NBAS: variants seen among roughly 807,000 people sequenced by gnomAD.
NBAS encodes the protein NBAS subunit of NRZ tethering complex, also known as NAG/BC035112 fusion.
A neutral mutation model predicts 302.5 loss-of-function variants in NBAS; 219 were observed. The ratio of observed to expected loss-of-function variants is 0.72; its 90% CI spans 0.65 to 0.81. NBAS has a LOEUF of 0.81. NBAS is among the 30% of genes least tolerant of loss of function. The pLI, the probability that NBAS is intolerant of heterozygous loss-of-function variation, is 0.00. For missense variants in NBAS, 2,932 were observed against 2,841.6 expected (o/e 1.03, Z -0.72); for synonymous variants, 1,118 against 1,021.6 (o/e 1.09, Z -1.80).
chr2:15,241,148 G>T (rs944334468), intron 44 of NBAS, among the ~76,000 whole-genome samples: 7 of 152,178 alleles, frequency 4.6e-5, no homozygotes, highest in Admixed American at 2.6e-4. Flanking sequence ...GTTGAATGCT[G>T]AATGACAAAA....
the NBAS span, among the ~76,000 whole-genome samples, chr2:15,077,700 T>C: frequency 2.2e-5 from 3 of 135,376 alleles, no homozygotes; most frequent in Non-Finnish European, 4.5e-5. Flanking sequence ...CTTTTTTTTT[T>C]TGAGATGGGG....
At chr2:15,436,955 A>G (rs774263183) in intron 21 of NBAS, among the ~76,000 whole-genome samples, 34 of 152,232 alleles carry the variant, frequency 2.2e-4, no homozygotes, top group Non-Finnish European at 4.0e-4. Context: ...ATGATTATGT[A>G]TAAATAAATG....
At chr2:14,942,669 G>C in the NBAS span, among the ~76,000 whole-genome samples, 2 of 152,182 alleles carry the variant, frequency 1.3e-5, no homozygotes. Context: ...CTCCCTGTGG[G>C]GAAAGGTGGA....
chr2:15,455,845 T>A (rs771821811), intron 21 of NBAS, among the ~76,000 whole-genome samples: 10 of 151,578 alleles, frequency 6.6e-5, no homozygotes, highest in Non-Finnish European at 1.5e-4. Flanking sequence ...ATTGTATTCA[T>A]CACTCAGGAA....
At chr2:14,926,288 T>C in the NBAS span, among the ~76,000 whole-genome samples, 1 of 152,160 alleles carries the variant, frequency 6.6e-6, no homozygotes, top group Non-Finnish European at 1.5e-5. Flanking sequence ...CCTCCCCTTC[T>C]ATCACACACT....
At chr2:14,832,728 G>A in the NBAS span, among the ~76,000 whole-genome samples, 1 of 152,136 alleles carries the variant, frequency 6.6e-6, no homozygotes, top group East Asian at 1.9e-4. Context: ...CCCGTTACAT[G>A]CATATTATTG....
chr2:14,971,173 T>C, the NBAS span, among the ~76,000 whole-genome samples: 1 of 152,182 alleles, frequency 6.6e-6, no homozygotes, highest in South Asian at 2.1e-4. Context: ...AACCCATTCA[T>C]ACAATAGTTT....
intron 38 of NBAS, among the ~76,000 whole-genome samples, chr2:15,327,097 G>T (rs1003550153): frequency 3.9e-5 from 6 of 152,026 alleles, no homozygotes; most frequent in Admixed American, 2.6e-4. Flanking sequence ...CTGTGGATAG[G>T]ACTTTCAAGA....
chr2:15,124,038 G>A, the NBAS span, among the ~76,000 whole-genome samples: 7 of 152,296 alleles, frequency 4.6e-5, no homozygotes, highest in African/African-American at 1.4e-4. Flanking sequence ...CAAAATTCTG[G>A]TAGAGATATG....
At chr2:15,179,258 A>C in intron 50 of NBAS, 142 bp from the exon 51 acceptor site, 1 of 1,248,330 alleles carries the variant, frequency 8.0e-7, no homozygotes, top group Admixed American at 2.0e-5. Context: ...CACTGGATAT[A>C]CTGAATATGG....
intron 31 of NBAS, among the ~76,000 whole-genome samples, chr2:15,368,914 T>C (rs1674352080): frequency 2.0e-5 from 3 of 152,206 alleles, no homozygotes; most frequent in Non-Finnish European, 4.4e-5. Flanking sequence ...AATAAGCCTG[T>C]TATCACATAT....
the NBAS span, among the ~76,000 whole-genome samples, chr2:14,921,349 T>C: frequency 9.5e-4 from 144 of 152,196 alleles, no homozygotes; most frequent in African/African-American, 2.9e-3. Flanking sequence ...ATAACAGATA[T>C]AATCATAATG....
At chr2:15,022,637 T>A in the NBAS span, among the ~76,000 whole-genome samples, 1 of 152,152 alleles carries the variant, frequency 6.6e-6, no homozygotes, top group African/African-American at 2.4e-5. Context: ...TCTCTCCATA[T>A]CCAATCAATC....
At chr2:14,868,116 A>C in the NBAS span, among the ~76,000 whole-genome samples, 1 of 152,298 alleles carries the variant, frequency 6.6e-6, no homozygotes, top group African/African-American at 2.4e-5. Context: ...TTTTACAATC[A>C]ATGAGACTGA....
At chr2:14,864,683 G>A in the NBAS span, among the ~76,000 whole-genome samples, 1 of 152,198 alleles carries the variant, frequency 6.6e-6, no homozygotes, top group Non-Finnish European at 1.5e-5. Flanking sequence ...CATCGAAGGT[G>A]TACTATTCTG....
At chr2:15,472,909 G>A (rs1024351951) in intron 16 of NBAS, among the ~76,000 whole-genome samples, 1 of 152,128 alleles carries the variant, frequency 6.6e-6, no homozygotes, top group African/African-American at 2.4e-5. Context: ...TGTGATTTCT[G>A]GCATCTGACT....
intron 6 of NBAS, among the ~76,000 whole-genome samples, chr2:15,541,800 A>G (rs1298655920): frequency 1.4e-5 from 1 of 71,614 alleles, no homozygotes; most frequent in Non-Finnish European, 3.2e-5. Flanking sequence ...TCCGGGAGGG[A>G]GGTGGGGGGG....
At chr2:14,985,453 AG>A in the NBAS span, among the ~76,000 whole-genome samples, 1 of 152,264 alleles carries the variant, frequency 6.6e-6, no homozygotes, top group Non-Finnish European at 1.5e-5. Context: ...CAGAGACGAT[AG>A]GAAGTAAAGC....
intron 40 of NBAS, 21 bp downstream of exon 40, chr2:15,308,195 C>G: frequency 6.2e-7 from 1 of 1,614,076 alleles, no homozygotes; most frequent in Admixed American, 1.7e-5. Flanking sequence ...CAATAATAAG[C>G]TGGAAATCAT....
Sources: allele counts gnomAD v4.1 joint callset (sites outside exome capture counted in the v4.1 genomes callset), GRCh38; gene constraint gnomAD v4.1.1; transcripts MANE v1.5; gene names NCBI Gene and HGNC (gene_info 2026-07-23, HGNC 2026-07-21).